GFM2: variants seen among roughly 807,000 people sequenced by gnomAD.
GFM2 encodes ribosome-releasing factor 2, mitochondrial.
GFM2 carries 72 observed loss-of-function variants against 95.4 expected under a neutral mutation model. The observed-to-expected ratio is 0.76, with a 90% CI of 0.62 to 0.92. The LOEUF (loss-of-function observed/expected upper bound fraction) is 0.92, where lower values mean the gene tolerates loss of function less well. Ranked by LOEUF, GFM2 falls within the 40% of genes least tolerant of loss-of-function variation. GFM2 has a pLI of 0.00. For missense variants in GFM2, 825 were observed against 924.1 expected (o/e 0.89, Z 1.39); for synonymous variants, 276 against 317.5 (o/e 0.87, Z 1.39).
intron 2 of GFM2, 139 bp downstream of exon 2, chr5:74,763,541 A>T (rs1744390560): frequency 2.1e-6 from 1 of 486,564 alleles, no homozygotes; most frequent in South Asian, 4.7e-5. Flanking sequence ...TTACTTTCAA[A>T]TTAGTTTAGC....
At chr5:74,753,957 T>TG (rs145654236) in intron 5 of GFM2, among the ~76,000 whole-genome samples, 21,359 of 151,816 alleles carry the variant, frequency 0.14, 1,840 homozygotes, top group African/African-American at 0.21. Context: ...TTTAAGAGTG[T>TG]GGGGAAAAAA....
At chr5:74,748,843 C>T (rs147905476) in intron 7 of GFM2, among the ~76,000 whole-genome samples, 14 of 136,888 alleles carry the variant, frequency 1.0e-4, no homozygotes, top group African/African-American at 2.8e-4. Flanking sequence ...CCAGCCTGGG[C>T]GACAGAGTGA....
At chr5:74,751,523 T>TCTTAATAGC in intron 5 of GFM2, 30 bp from the exon 6 acceptor site, 1 of 1,565,198 alleles carries the variant, frequency 6.4e-7, no homozygotes, top group Non-Finnish European at 8.8e-7. Context: ...TACAGTTTAG[T>TCTTAATAGC]CTTAATAGCA....
intron 2 of GFM2, 126 bp downstream of exon 2, chr5:74,763,554 G>T: frequency 1.9e-6 from 1 of 512,976 alleles, no homozygotes. Flanking sequence ...AGTTTAGCTT[G>T]AAGATTTCCA....
chr5:74,743,656 G>A (rs912562947), intron 10 of GFM2, among the ~76,000 whole-genome samples: 2 of 152,064 alleles, frequency 1.3e-5, no homozygotes, highest in Non-Finnish European at 2.9e-5. Flanking sequence ...TAGCTCTTCT[G>A]TATTAAAACA....
intron 10 of GFM2, among the ~76,000 whole-genome samples, chr5:74,743,843 T>C (rs1743234099): frequency 6.6e-6 from 1 of 152,240 alleles, no homozygotes; most frequent in African/African-American, 2.4e-5. Flanking sequence ...TGTGACAACT[T>C]ATTTAAGCAT....
chr5:74,760,784 T>C (rs1580023387), intron 3 of GFM2, 118 bp downstream of exon 3: 1 of 706,556 alleles, frequency 1.4e-6, no homozygotes, highest in Non-Finnish European at 2.5e-6. Flanking sequence ...CTCAAGGAAA[T>C]AGCCAAGAAG....
chr5:74,745,144 C>T (rs749512934), intron 10 of GFM2, among the ~76,000 whole-genome samples: 2 of 151,952 alleles, frequency 1.3e-5, no homozygotes, highest in African/African-American at 2.4e-5. Context: ...TCGAGACCAG[C>T]CTGGCCAACA....
intron 17 of GFM2, 119 bp downstream of exon 17, chr5:74,730,141 T>A (rs573663711): frequency 6.2e-4 from 605 of 968,290 alleles, no homozygotes; most frequent in Non-Finnish European, 8.3e-4. Flanking sequence ...CCCACATACA[T>A]AAAAACTGTC....
At chr5:74,729,522 AT>A (rs1750314467) in intron 17 of GFM2, among the ~76,000 whole-genome samples, 1 of 152,152 alleles carries the variant, frequency 6.6e-6, no homozygotes, top group African/African-American at 2.4e-5. Context: ...GTTCTCTAGC[AT>A]TTTTAGTTTT....
In GFM2 at chr5:74,738,344, T is replaced by A; in HGVS notation, c.1294A>T (p.Ile432Phe). ...TGTTTAAGCCCAACAGTCAAAGCAA[T>A]GTTACCAGCAGTCAATGAAGGGATT... ...VEIPSLTAGN[I>F]ALTVGLKHTA... The change falls in exon 14 of 21, where the codon ATT becomes TTT. Residue 432 changes from isoleucine to phenylalanine, a missense_variant. By Grantham distance (21) the Ile-to-Phe change is conservative. Transcript: ENST00000296805. The A allele has an allele frequency of 6.2e-7, 1 of 1,613,378 alleles. No homozygotes were observed. The highest frequency in any genetic ancestry group is 1.1e-5 in the South Asian group (1 of 90,992).
In GFM2 at chr5:74,726,049, A is replaced by G. The variant is rs746228528; in HGVS notation, c.1804T>C (p.Ser602Pro). 3 of 1,613,506 alleles carry G rather than the reference A, an allele frequency of 1.9e-6. No homozygotes were observed. In the South Asian group the frequency reaches 3.3e-5, roughly 18 times the overall value. ...EVEARPIETS[S>P]VMPVIEFEYA... Reference sequence around the variant, plus strand: ...TCAAACTCAATCACAGGCATAACAGATGATGTTTCAATTGGCCTTGCTTCC... The same window carrying G: ...TCAAACTCAATCACAGGCATAACAGGTGATGTTTCAATTGGCCTTGCTTCC... The change falls in exon 18 of 21, where the codon TCT (serine) becomes CCT (proline). Residue 602 changes from serine (S) to proline (P), a missense_variant. Ser to Pro is a moderately conservative substitution (Grantham distance 74). Transcript: ENST00000296805.
At chr5:74,730,584 C>CA (rs1448742081) in intron 16 of GFM2, 186 bp from the exon 17 acceptor site, 1 of 406,258 alleles carries the variant, frequency 2.5e-6, no homozygotes, top group African/African-American at 2.1e-5. Context: ...AATAATGAAT[C>CA]AATAAACAAT....
intron 5 of GFM2, among the ~76,000 whole-genome samples, chr5:74,758,017 A>G (rs1041113449): frequency 2.0e-5 from 3 of 152,182 alleles, no homozygotes; most frequent in Admixed American, 6.5e-5. Context: ...TTGGTTGCAC[A>G]ATAATGTGAA....
At chr5:74,755,923 C>T (rs182112848) in intron 5 of GFM2, among the ~76,000 whole-genome samples, 12 of 152,180 alleles carry the variant, frequency 7.9e-5, no homozygotes, top group Non-Finnish European at 1.6e-4. Context: ...AAACTACAGA[C>T]CAATATCCCT....
chr5:74,734,691 T>C (rs1204938205), intron 15 of GFM2, among the ~76,000 whole-genome samples: 3 of 152,244 alleles, frequency 2.0e-5, no homozygotes, highest in African/African-American at 7.2e-5. Context: ...AAATAAATTA[T>C]TTTAAAATAT....
intron 7 of GFM2, among the ~76,000 whole-genome samples, chr5:74,750,355 T>A (rs1356738715): frequency 1.3e-5 from 2 of 152,192 alleles, no homozygotes; most frequent in Non-Finnish European, 2.9e-5. Context: ...GAATCTCTGA[T>A]CTCTCAAAGT....
intron 5 of GFM2, among the ~76,000 whole-genome samples, chr5:74,754,007 G>C (rs1231585363): frequency 6.6e-6 from 1 of 152,158 alleles, no homozygotes; most frequent in East Asian, 1.9e-4. Context: ...CAGATTAACA[G>C]CAGACTTCTT....
intron 11 of GFM2, among the ~76,000 whole-genome samples, chr5:74,740,853 G>C (rs1484275720): frequency 1.3e-5 from 2 of 152,004 alleles, no homozygotes; most frequent in Non-Finnish European, 2.9e-5. Flanking sequence ...TTCTTTTAAT[G>C]ACTACTAAGT....
Sources: allele counts gnomAD v4.1 joint callset (sites outside exome capture counted in the v4.1 genomes callset), GRCh38; gene constraint gnomAD v4.1.1; transcripts MANE v1.5; gene names NCBI Gene and HGNC (gene_info 2026-07-23, HGNC 2026-07-21).